The following ZNF780B variants were observed in gnomAD, a reference collection of about 807,000 sequenced individuals.
The protein encoded by ZNF780B is zinc finger protein 779.
Under a neutral mutation model 74.1 loss-of-function variants are expected in ZNF780B, and 52 were observed. The ratio of observed to expected loss-of-function variants is 0.70; its 90% CI spans 0.56 to 0.88. The LOEUF is 0.88. Among genes scored for constraint, ZNF780B ranks in the 40% least tolerant of loss-of-function variants. The probability of loss-of-function intolerance (pLI) is 0.00; values close to 1 mark genes in which losing one functional copy is unlikely to be tolerated. For synonymous variants in ZNF780B, 315 were observed against 324.3 expected (o/e 0.97, Z 0.31); for missense variants, 953 against 1,007.6 (o/e 0.95, Z 0.73).
Position 40,035,346 on chromosome 19 carries a change from C to T in ZNF780B, c.1513G>A (p.Asp505Asn), listed in dbSNP as rs1972220337. The T allele has an allele frequency of 1.9e-6, 3 of 1,614,136 alleles. No homozygotes were observed. In the South Asian group the frequency reaches 3.3e-5, roughly 18 times the overall value. ...HTGEKPFECK[D>N]CGKAFNRGSN... ...CCACGATTGAAGGCCTTCCCACAGT[C>T]TTTACATTCAAATGGTTTCTCACCA... is the stretch of plus-strand genomic sequence containing the variant. Residue 505 changes from aspartate (D) to asparagine (N), a missense_variant, in exon 5 of 5, where the codon GAC becomes AAC. Asp to Asn is a conservative substitution (Grantham distance 23). Transcript: ENST00000434248.
In ZNF780B at chr19:40,042,864, G is replaced by A. The variant is rs187466709; in HGVS notation, c.232+4511C>T. ...TGGTTTGAATTTCCTCCTGTAGCTC[G>A]GAGTAGTTTGATTGTCTGAAGACTT... On this transcript the variant is annotated intron_variant, in intron 4 of 4. Coordinates refer to ENST00000434248, the MANE Select transcript of ZNF780B (RefSeq NM_001005851.3). 9.9e-4 allele frequency among the ~76,000 whole-genome samples: 150 copies of A among 152,150 alleles called. 1 individual carries two copies. The highest frequency in any genetic ancestry group is 1.3e-3 in the African/African-American group (56 of 41,524).
chr19:40,034,336 A>T lies in ZNF780B; in HGVS notation c.*21T>A. ...TAATGATATTGAAAGGCCTTCCCACATTCCTTACATTCAAAGGTTTTCACC... is the reference window on the plus strand; with the variant it reads ...TAATGATATTGAAAGGCCTTCCCACTTTCCTTACATTCAAAGGTTTTCACC... On this transcript the variant is annotated 3_prime_UTR_variant, in exon 5 of 5. Coordinates refer to ENST00000434248, the MANE Select transcript of ZNF780B (RefSeq NM_001005851.3). 1.3e-6 allele frequency: 2 copies of T among 1,578,366 alleles called. No individual in the cohort carries two copies. The highest frequency in any genetic ancestry group is 1.7e-6 in the Non-Finnish European group (2 of 1,158,864).
chr19:40,038,032 T>G (rs1329609147), intron 4 of ZNF780B, among the ~76,000 whole-genome samples: 2 of 152,006 alleles, frequency 1.3e-5, no homozygotes, highest in Non-Finnish European at 2.9e-5. Flanking sequence ...CATTTAGCAT[T>G]AGGTATATCT....
Position 40,048,654 on chromosome 19 carries a change from G to C in ZNF780B, c.136+16C>G, listed in dbSNP as rs777784383. 1.5e-5 allele frequency: 24 copies of C among 1,613,908 alleles called. No homozygotes were observed. In the African/African-American group the frequency reaches 2.9e-4, roughly 20 times the overall value. ...CAGAGAACAGATACAAAAATAACTG[G>C]GACCAATGACCTTACCCAGTGATAT... On this transcript the variant is annotated intron_variant, in intron 3 of 4. Transcript: ENST00000434248.
At chr19:40,054,045 C>G (rs1188928497) in intron 1 of ZNF780B, among the ~76,000 whole-genome samples, 1 of 152,120 alleles carries the variant, frequency 6.6e-6, no homozygotes, top group Non-Finnish European at 1.5e-5. Context: ...CCCAGCTACT[C>G]GGAAGGCTGG....
chr19:40,049,796 A>G (rs1232090397), intron 2 of ZNF780B, among the ~76,000 whole-genome samples: 1 of 152,244 alleles, frequency 6.6e-6, no homozygotes, highest in Non-Finnish European at 1.5e-5. Flanking sequence ...AACCTGCTCA[A>G]AGAAAACATC....
intron 4 of ZNF780B, among the ~76,000 whole-genome samples, chr19:40,045,046 T>C (rs1972866878): frequency 6.6e-6 from 1 of 152,088 alleles, no homozygotes; most frequent in Non-Finnish European, 1.5e-5. Context: ...TAGAAATAGC[T>C]ACGTTTATAT....
At position 40,036,157 on chromosome 19, in the gene ZNF780B, G is replaced by A. The variant is rs769532695; in HGVS notation, c.702C>T (p.Thr234=). The part of the protein sequence containing the change: ...KECGKAFNLP[T]QLNRHKNIHT... Reference sequence around the variant, plus strand: ...GAATGTTCTTATGGCGATTAAGCTGGGTGGGAAGATTAAAGGCTTTTCCAC... The same window carrying A: ...GAATGTTCTTATGGCGATTAAGCTGAGTGGGAAGATTAAAGGCTTTTCCAC... The change falls in exon 5 of 5, where the codon ACC becomes ACT. Residue 234 remains threonine, a synonymous_variant. Transcript: ENST00000434248. The A allele has an allele frequency of 3.7e-6, 6 of 1,613,750 alleles. No homozygotes were observed. The highest frequency in any genetic ancestry group is 5.1e-6 in the Non-Finnish European group (6 of 1,179,936).
intron 4 of ZNF780B, among the ~76,000 whole-genome samples, chr19:40,045,458 C>T (rs1972891352): frequency 6.6e-6 from 1 of 152,148 alleles, no homozygotes. Context: ...ATCCAACAAT[C>T]CCACTACTGG....
rs1167180109 is a variant in ZNF780B at position 40,029,657 on chromosome 19, T to G, written c.*4700A>C. Reference sequence around the variant, plus strand: ...GCCATGTGCACTCACAGCAGCCAGATTTTTTGGTCTCTAATTCTTTTTTCC... The same window carrying G: ...GCCATGTGCACTCACAGCAGCCAGAGTTTTTGGTCTCTAATTCTTTTTTCC... On this transcript the variant is annotated 3_prime_UTR_variant, in exon 5 of 5. Transcript: ENST00000434248. 2.0e-5 allele frequency: 3 copies of G among 152,462 alleles called. No individual in the cohort carries two copies. Among genetic ancestry groups the G allele is most frequent in the African/African-American group, 7.2e-5 (3 of 41,436 alleles). The allele number at this position is 152,462 out of a possible 1,614,324, so 9.4% of individuals were successfully genotyped here.
At chr19:40,046,485 T>C (rs1175680670) in intron 4 of ZNF780B, among the ~76,000 whole-genome samples, 1 of 152,216 alleles carries the variant, frequency 6.6e-6, no homozygotes, top group Non-Finnish European at 1.5e-5. Context: ...CCGACGTAAC[T>C]CTCAGACCTT....
chr19:40,045,265 C>T (rs891903320), intron 4 of ZNF780B, among the ~76,000 whole-genome samples: 1 of 152,074 alleles, frequency 6.6e-6, no homozygotes, highest in African/African-American at 2.4e-5. Context: ...CGTCACTGTG[C>T]CACTCTCAGA....
At chr19:40,055,032 C>G (rs1384398532) in intron 1 of ZNF780B, among the ~76,000 whole-genome samples, 2 of 152,220 alleles carry the variant, frequency 1.3e-5, no homozygotes, top group Non-Finnish European at 2.9e-5. Context: ...GGAAATCACC[C>G]AACCATCTCC....
chr19:40,029,876 G>A lies in ZNF780B; in HGVS notation c.*4481C>T, dbSNP rs1283681234. On this transcript the variant is annotated 3_prime_UTR_variant, in exon 5 of 5. Transcript: ENST00000434248. ...AAGTAGTAAAAAAAAAATGTAAATG[G>A]ATTCCTACTGGCCACATTATGTCAA... The A allele has an allele frequency of 1.3e-5, 2 of 152,064 alleles. No homozygotes were observed. Among genetic ancestry groups the A allele is most frequent in the Non-Finnish European group, 2.9e-5 (2 of 68,026 alleles). The allele number at this position is 152,064 out of a possible 1,614,324, so 9.4% of individuals were successfully genotyped here. A position where few individuals can be genotyped will look rare whatever the true frequency, so the allele number is the denominator to read the frequency against.
In ZNF780B at chr19:40,028,660, A is replaced by C. The variant is rs560614509; in HGVS notation, c.*5697T>G. ...CCCCAAATTAAAGTGGATAAAATAT[A>C]ATAAAAGTTAATTTCTCTGTCATAT... On this transcript the variant is annotated 3_prime_UTR_variant, in exon 5 of 5. Coordinates refer to ENST00000434248, the MANE Select transcript of ZNF780B (RefSeq NM_001005851.3). 21 of 152,344 alleles carry C rather than the reference A, an allele frequency of 1.4e-4. No homozygotes were observed. In the South Asian group the frequency reaches 4.3e-3, roughly 32 times the overall value. The allele number at this position is 152,344 out of a possible 1,614,324, so 9.4% of individuals were successfully genotyped here.
chr19:40,046,026 T>C (rs1972918009), intron 4 of ZNF780B, among the ~76,000 whole-genome samples: 1 of 151,932 alleles, frequency 6.6e-6, no homozygotes, highest in African/African-American at 2.4e-5. Context: ...TTCTCATTCA[T>C]ATCTGGAGGC....
intron 1 of ZNF780B, among the ~76,000 whole-genome samples, chr19:40,051,298 AT>A (rs137969637): frequency 0.055 from 8,288 of 151,944 alleles, 375 homozygotes; most frequent in East Asian, 0.18. Flanking sequence ...GTACATACAC[AT>A]TTTTTTTCTT....
intron 1 of ZNF780B, among the ~76,000 whole-genome samples, chr19:40,055,037 A>G (rs900158134): frequency 6.6e-6 from 1 of 152,216 alleles, no homozygotes; most frequent in African/African-American, 2.4e-5. Context: ...TCACCCAACC[A>G]TCTCCATTCT....
intron 4 of ZNF780B, among the ~76,000 whole-genome samples, chr19:40,043,873 G>A (rs978642594): frequency 6.6e-6 from 1 of 152,288 alleles, no homozygotes; most frequent in South Asian, 2.1e-4. Flanking sequence ...GCAATGCCTC[G>A]CCCTGCTTTG....
Sources: gnomAD v4.1 joint callset for allele counts (sites outside exome capture counted in the v4.1 genomes callset) on GRCh38, gnomAD v4.1.1 for gene constraint, MANE v1.5 for transcripts, NCBI Gene and HGNC (gene_info 2026-07-23, HGNC 2026-07-21) for gene names.